HK3: variants seen among roughly 807,000 people sequenced by gnomAD.
The protein encoded by HK3 is hexokinase-3.
HK3 carries 93 observed loss-of-function variants against 91.0 expected under a neutral mutation model. The observed-to-expected ratio is 1.02, with a 90% CI of 0.86 to 1.21. The LOEUF (loss-of-function observed/expected upper bound fraction) is 1.21. HK3 is among the 50% of genes most tolerant of loss of function. The pLI is 0.00. For missense variants in HK3, 1,235 were observed against 1,247.4 expected (o/e 0.99, Z 0.15); for synonymous variants, 519 against 516.9 (o/e 1.00, Z -0.06).
At chr5:176,890,792 A>C (rs753944888) in intron 5 of HK3, 30 bp downstream of exon 5, 10 of 1,613,934 alleles carry the variant, frequency 6.2e-6, no homozygotes, top group Admixed American at 5.0e-5. Context: ...GCCACCCTCT[A>C]CCCAGCGTCC....
chr5:176,894,614 T>C (rs1212217445), intron 2 of HK3, among the ~76,000 whole-genome samples: 1 of 152,000 alleles, frequency 6.6e-6, no homozygotes, highest in Non-Finnish European at 1.5e-5. Flanking sequence ...GGGGTACAGG[T>C]TGGACAAGGG....
Position 176,884,098 on chromosome 5 carries a change from A to C in HK3, c.1894T>G (p.Ser632Ala). 6.2e-7 allele frequency: 1 copy of C among 1,614,094 alleles called. No homozygotes were observed. Among genetic ancestry groups the C allele is most frequent in the African/African-American group, 1.3e-5 (1 of 75,044 alleles). ...ACGACATCTTGGCCCTCGCAGTCTG[A>C]TGCCTTGAAACCCTTGGTCCAGTTC... ...LLNWTKGFKASDCEGQDVVSL... is the reference protein window; with the variant it reads ...LLNWTKGFKAADCEGQDVVSL... Residue 632 changes from serine to alanine, a missense_variant, in exon 14 of 19, where the codon TCA (serine) becomes GCA (alanine). Physicochemically the swap from Ser to Ala is moderately conservative, Grantham distance 99 (BLOSUM62 1). This residue lies in a region of HK3 where 513 missense variants were observed against 477.4 expected (regional missense o/e 1.07). Transcript: ENST00000292432. This position sits in a 1 kb window ranked among gnomAD's most constrained non-coding sequence, Gnocchi z 4.1.
rs1209974504 is a variant in HK3 at position 176,892,466 on chromosome 5, C to A, written c.97-916G>T. Among the ~76,000 whole-genome samples, 6 of 152,002 alleles carry A rather than the reference C, an allele frequency of 3.9e-5. No homozygotes were observed. The South Asian group carries it at 8.3e-4, about 21-fold the overall frequency. On this transcript the variant is annotated intron_variant, in intron 2 of 18. Coordinates refer to ENST00000292432, the MANE Select transcript of HK3 (RefSeq NM_002115.3). The stretch of plus-strand genomic sequence containing the variant: ...GGCAGGGAAGGCAGAAGCCAGGACA[C>A]CCCAGGCTGTCACTCCACCAGAAGC...
intron 13 of HK3, among the ~76,000 whole-genome samples, chr5:176,885,228 A>T (rs1758551168): frequency 6.6e-6 from 1 of 152,176 alleles, no homozygotes. Context: ...TCCCCAGATA[A>T]TGCACAGGAA....
rs1370051214 is a variant in HK3 at position 176,896,201 on chromosome 5, G to A, written c.-26-16C>T. 7.5e-6 allele frequency: 11 copies of A among 1,458,604 alleles called. No individual in the cohort carries two copies. The highest frequency in any genetic ancestry group is 6.9e-5 in the East Asian group (3 of 43,586). The allele number at this position is 1,458,604 out of a possible 1,614,324, so 90.4% of individuals were successfully genotyped here. A position where few individuals can be genotyped will look rare whatever the true frequency, so the allele number is the denominator to read the frequency against. ...AGGTGGCCACCTATGGGAGAAAAGGGACAACCTGGGTCAACCATTTACTCT... is the reference window on the plus strand; with the variant it reads ...AGGTGGCCACCTATGGGAGAAAAGGAACAACCTGGGTCAACCATTTACTCT... On this transcript the variant is annotated splice_polypyrimidine_tract_variant and intron_variant, in intron 1 of 18. Coordinates refer to ENST00000292432, the MANE Select transcript of HK3 (RefSeq NM_002115.3).
chr5:176,897,872 T>C (rs560961210), intron 1 of HK3, among the ~76,000 whole-genome samples: 1 of 152,334 alleles, frequency 6.6e-6, no homozygotes, highest in African/African-American at 2.4e-5. Flanking sequence ...TAAATCCCAG[T>C]GGTCTGTTAG....
rs776813521 is a variant in HK3 at position 176,888,312 on chromosome 5, G to A, written c.1304+20C>T. ...ACGTGTTCATGCCAACTAATCATGC[G>A]GATCACGTTTCCACAATACCTGGGG... is the stretch of plus-strand genomic sequence containing the variant. On this transcript the variant is annotated intron_variant, in intron 10 of 18. Transcript: ENST00000292432. 1.1e-5 allele frequency: 17 copies of A among 1,535,784 alleles called. No homozygotes were observed. The East Asian group carries it at 1.2e-4, about 11-fold the overall frequency.
intron 2 of HK3, 78 bp downstream of exon 2, chr5:176,895,986 G>A (rs760768602): frequency 6.8e-6 from 8 of 1,177,492 alleles, no homozygotes; most frequent in Admixed American, 3.4e-5. Context: ...GAGAGCCCAG[G>A]GCCCCATGGC....
rs142919032 is a variant in HK3 at position 176,884,062 on chromosome 5, G to A, written c.1930C>T (p.Arg644Trp). Reference protein sequence around the residue: ...CEGQDVVSLLREAITRRQAVE... With the variant: ...CEGQDVVSLLWEAITRRQAVE... ...ACCTGTCTGCGAGTGATGGCTTCCC[G>A]CAACAGACTCACGACATCTTGGCCC... The change falls in exon 14 of 19, where the codon CGG (arginine) becomes TGG (tryptophan). Residue 644 changes from arginine (R) to tryptophan (W), a missense_variant. Physicochemically the swap from Arg to Trp is moderately radical, Grantham distance 101. Around this residue, in one of 3 missense-constraint regions of HK3, gnomAD observed 513 missense variants for 477.4 expected, o/e 1.07. Transcript: ENST00000292432. This position sits in a 1 kb window ranked among gnomAD's most constrained non-coding sequence, Gnocchi z 4.1. 208 of 1,614,096 alleles carry A rather than the reference G, an allele frequency of 1.3e-4. 1 individual carries two copies. Among genetic ancestry groups the A allele is most frequent in the Middle Eastern group, 5.0e-4 (3 of 6,060 alleles).
Position 176,889,756 on chromosome 5 carries a change from A to G in HK3, c.631-12T>C, listed in dbSNP as rs961334196. On this transcript the variant is annotated splice_polypyrimidine_tract_variant and intron_variant, in intron 6 of 18. Coordinates refer to ENST00000292432, the MANE Select transcript of HK3 (RefSeq NM_002115.3). ...TCGATGTTGTAGGCCTAGATGATGA[A>G]GAGGGCAGAGGTCAAGGCTGGCCTG... The G allele has an allele frequency of 1.4e-5, 22 of 1,611,990 alleles. No homozygotes were observed. Among genetic ancestry groups the G allele is most frequent in the Non-Finnish European group, 1.9e-5 (22 of 1,178,470 alleles).
chr5:176,881,246 GGCCAC>G (rs777252754), intron 18 of HK3, 29 bp from the exon 19 acceptor site: 1 of 1,613,148 alleles, frequency 6.2e-7, no homozygotes, highest in African/African-American at 1.3e-5. Context: ...GGTGAGCCCA[GGCCAC>G]CAGCCCCACC....
In HK3 at chr5:176,891,471, TCCATGGAAC is replaced by T; in HGVS notation, c.167_175del (p.Gly56_Met58del). 1 of 1,614,164 alleles carries T rather than the reference TCCATGGAAC, an allele frequency of 6.2e-7. No homozygotes were observed. Among genetic ancestry groups the T allele is most frequent in the Non-Finnish European group, 8.5e-7 (1 of 1,180,022 alleles). ...GCTGGCCTGTCCCCTCAGCGCCTGC[TCCATGGAAC>T]CCAAGAGGCTGGCTTGGATCTGCTG... On this transcript the variant is annotated inframe_deletion, in exon 3 of 19. Transcript: ENST00000292432.
At position 176,888,549 on chromosome 5, in the gene HK3, C is replaced by A. The variant is rs1758666556; in HGVS notation, c.1087G>T (p.Ala363Ser). The change falls in exon 10 of 19, where the codon GCC becomes TCC. Residue 363 changes from alanine to serine, a missense_variant. Ala to Ser is a moderately conservative substitution (Grantham distance 99). Transcript: ENST00000292432. ...AEMEDPSTGA[A>S]RVHAILQDLG... ...TCCTGCAGGATAGCATGGACACGGG[C>A]TGCCCCAGTAGAGGGGCTGGAGGGG... 1.9e-6 allele frequency: 3 copies of A among 1,561,752 alleles called. No individual in the cohort carries two copies. Among genetic ancestry groups the A allele is most frequent in the Non-Finnish European group, 2.6e-6 (3 of 1,152,094 alleles).
rs372328946 is a variant in HK3 at position 176,881,575 on chromosome 5, G to T, written c.2394-40C>A. On this transcript the variant is annotated intron_variant, in intron 17 of 18. Coordinates refer to ENST00000292432, the MANE Select transcript of HK3 (RefSeq NM_002115.3). ...GGAAGAGAGCACAGGGAGGTGGGTC[G>T]TGACTTCTCCCACTTCATCCTCCAG... The T allele has an allele frequency of 2.5e-6, 4 of 1,585,990 alleles. No individual in the cohort carries two copies. The African/African-American group carries it at 5.4e-5, about 21-fold the overall frequency.
chr5:176,888,912 T>G, intron 8 of HK3, 48 bp from the exon 9 acceptor site: 1 of 1,592,038 alleles, frequency 6.3e-7, no homozygotes, highest in South Asian at 1.1e-5. Context: ...AAGCCCTCAG[T>G]CCACCTGGCC....
At position 176,896,135 on chromosome 5, in the gene HK3, A is replaced by G; in HGVS notation, c.25T>C (p.Leu9=). ...CTCAGGGTTTCTTCCCCCTGCCGCA[A>G]CCCTGAAGACCCAATGGAGTCCATG... is the stretch of plus-strand genomic sequence containing the variant. MDSIGSSG[L]RQGEETLSCS... is the part of the protein sequence containing the mutation. The change falls in exon 2 of 19, where the codon TTG becomes CTG. Residue 9 remains leucine (L), a synonymous_variant. Coordinates refer to ENST00000292432, the MANE Select transcript of HK3 (RefSeq NM_002115.3). The G allele has an allele frequency of 6.2e-7, 1 of 1,611,420 alleles. No homozygotes were observed.
chr5:176,898,391 T>C (rs2149379607), intron 1 of HK3, among the ~76,000 whole-genome samples: 1 of 152,280 alleles, frequency 6.6e-6, no homozygotes, highest in Middle Eastern at 3.4e-3. Context: ...TCCAAATCTG[T>C]CAAATAGGGG....
chr5:176,893,741 C>T (rs1045039467), intron 2 of HK3, among the ~76,000 whole-genome samples: 3 of 151,998 alleles, frequency 2.0e-5, no homozygotes, highest in East Asian at 1.9e-4. Context: ...TTGAGATGTT[C>T]GGGAGGAGAG....
chr5:176,883,342 G>A (rs1758494585), intron 15 of HK3, among the ~76,000 whole-genome samples: 1 of 152,164 alleles, frequency 6.6e-6, no homozygotes, highest in Non-Finnish European at 1.5e-5. Context: ...TGTACCATGA[G>A]CCAGGGACCA....
Sources: gnomAD v4.1 joint callset for allele counts (sites outside exome capture counted in the v4.1 genomes callset) on GRCh38, gnomAD v4.1.1 for gene constraint, gnomAD v4.1.1 regional missense constraint, Gnocchi (gnomAD v3.1) non-coding constraint, MANE v1.5 for transcripts, NCBI Gene and HGNC (gene_info 2026-07-23, HGNC 2026-07-21) for gene names.